NFASC: variants seen among roughly 807,000 people sequenced by gnomAD.
NFASC encodes the protein neurofascin, also known as neurofascin homolog.
In NFASC, 43 loss-of-function variants were observed where a neutral mutation model predicts 147.5. That is an observed-to-expected ratio of 0.29 (90% CI 0.23 to 0.38). The LOEUF is 0.38. Among genes scored for constraint, NFASC ranks in the 10% least tolerant of loss-of-function variants. The pLI, the probability that NFASC is intolerant of heterozygous loss-of-function variation, is 1.00. For synonymous variants in NFASC, 622 were observed against 665.5 expected (o/e 0.93, Z 1.01); for missense variants, 1,320 against 1,689.0 (o/e 0.78, Z 3.83).
intron 1 of NFASC, among the ~76,000 whole-genome samples, chr1:204,903,355 T>G (rs1340139483): frequency 6.6e-6 from 1 of 152,208 alleles, no homozygotes; most frequent in East Asian, 1.9e-4. Context: ...ATGCCTCTTT[T>G]GAACGATGAC....
intron 1 of NFASC, among the ~76,000 whole-genome samples, chr1:204,849,574 AT>A (rs1359103120): frequency 2.6e-5 from 4 of 152,318 alleles, no homozygotes; most frequent in South Asian, 4.1e-4. Context: ...TTGGAGAGCC[AT>A]TAGTCCAATT....
At chr1:204,866,398 C>T (rs937033467) in intron 1 of NFASC, among the ~76,000 whole-genome samples, 4 of 152,130 alleles carry the variant, frequency 2.6e-5, no homozygotes, top group Admixed American at 1.3e-4. Flanking sequence ...TGGAGCTATG[C>T]CGAGCCCTTG....
At chr1:204,873,648 G>T (rs1209468471) in intron 1 of NFASC, among the ~76,000 whole-genome samples, 2 of 151,648 alleles carry the variant, frequency 1.3e-5, no homozygotes, top group African/African-American at 2.4e-5. Context: ...TGCGGGTCAT[G>T]TGTGCTAGGG....
At chr1:204,838,622 G>A (rs1011329472) in intron 1 of NFASC, among the ~76,000 whole-genome samples, 1 of 152,196 alleles carries the variant, frequency 6.6e-6, no homozygotes, top group Non-Finnish European at 1.5e-5. Context: ...TAGTGTTTAT[G>A]GCCCTGAAAA....
At chr1:204,963,841 G>C (rs189745502) in intron 8 of NFASC, among the ~76,000 whole-genome samples, 1 of 152,352 alleles carries the variant, frequency 6.6e-6, no homozygotes, top group Admixed American at 6.5e-5. Flanking sequence ...CAGGCATCTG[G>C]ACAGAGAGAC....
At position 204,833,856 on chromosome 1, in the gene NFASC, T is replaced by TAGCTGCAGCTCATCTGCAA. The variant is rs1274927180; in HGVS notation, c.-200+5076_-200+5094dup. Among the ~76,000 whole-genome samples, 6 of 152,330 alleles carry TAGCTGCAGCTCATCTGCAA rather than the reference T, an allele frequency of 3.9e-5. No homozygotes were observed. The East Asian group carries it at 1.2e-3, about 29-fold the overall frequency. On this transcript the variant is annotated intron_variant, in intron 1 of 29. Coordinates refer to ENST00000339876, the MANE Select transcript of NFASC (RefSeq NM_001005388.3). ...CTGCTTCTACTACTTGCTAGCTGCA[T>TAGCTGCAGCTCATCTGCAA]AGCTGCAGCTCATCTGCAAAATGGG...
chr1:204,840,887 C>T (rs537116632), intron 1 of NFASC, among the ~76,000 whole-genome samples: 225 of 152,318 alleles, frequency 1.5e-3, no homozygotes, highest in African/African-American at 5.2e-3. Flanking sequence ...TTCAACCTTC[C>T]TTTGCTTTCA....
At chr1:204,907,117 C>G (rs1014103108) in intron 1 of NFASC, among the ~76,000 whole-genome samples, 10 of 152,184 alleles carry the variant, frequency 6.6e-5, no homozygotes, top group Non-Finnish European at 8.8e-5. Flanking sequence ...TACATCCTAA[C>G]TAGGACGTGG....
chr1:204,839,160 C>T (rs1162102771), intron 1 of NFASC, among the ~76,000 whole-genome samples: 2 of 152,184 alleles, frequency 1.3e-5, no homozygotes, highest in Non-Finnish European at 2.9e-5. Context: ...ATAGTAATCC[C>T]TCATAAAGGC....
chr1:204,847,533 G>C (rs1417525007), intron 1 of NFASC, among the ~76,000 whole-genome samples: 1 of 152,202 alleles, frequency 6.6e-6, no homozygotes, highest in Non-Finnish European at 1.5e-5. Context: ...CCTTGGGGCT[G>C]CTGACTTGCT....
chr1:204,944,472 G>GTGGGC, intron 3 of NFASC, 66 bp downstream of exon 3: 3 of 402,576 alleles, frequency 7.5e-6, no homozygotes, highest in East Asian at 6.4e-5. Flanking sequence ...GGAGGGGAGG[G>GTGGGC]AAGGTCAGAG....
At chr1:204,945,645 G>A (rs928187463) in intron 3 of NFASC, among the ~76,000 whole-genome samples, 1 of 152,072 alleles carries the variant, frequency 6.6e-6, no homozygotes, top group Non-Finnish European at 1.5e-5. Flanking sequence ...GGACTTGAAT[G>A]TATGTGTGCA....
At chr1:204,904,245 A>G (rs2085290567) in intron 1 of NFASC, among the ~76,000 whole-genome samples, 1 of 152,062 alleles carries the variant, frequency 6.6e-6, no homozygotes, top group Non-Finnish European at 1.5e-5. Flanking sequence ...TTACAGACAC[A>G]TGCAACCAAG....
At chr1:204,915,718 C>G (rs957824440) in intron 1 of NFASC, among the ~76,000 whole-genome samples, 1 of 152,140 alleles carries the variant, frequency 6.6e-6, no homozygotes, top group Non-Finnish European at 1.5e-5. Context: ...TCTAAATATT[C>G]AAGGGGTAGA....
intron 17 of NFASC, among the ~76,000 whole-genome samples, chr1:204,978,594 C>T (rs929048411): frequency 2.0e-5 from 3 of 152,244 alleles, no homozygotes; most frequent in Non-Finnish European, 2.9e-5. Context: ...CACACTCCCT[C>T]ATCAGCCTTC....
chr1:204,883,095 G>A (rs1406189091), intron 1 of NFASC, among the ~76,000 whole-genome samples: 2 of 152,098 alleles, frequency 1.3e-5, no homozygotes, highest in East Asian at 1.9e-4. Context: ...CTAGAAAGCC[G>A]ATCTTAAACA....
intron 1 of NFASC, among the ~76,000 whole-genome samples, chr1:204,866,565 C>T (rs2077126623): frequency 6.6e-6 from 1 of 152,216 alleles, no homozygotes. Flanking sequence ...TGGAAACTCT[C>T]AGGCCTGTGC....
intron 8 of NFASC, among the ~76,000 whole-genome samples, chr1:204,960,279 G>A (rs933402519): frequency 8.5e-5 from 13 of 152,200 alleles, no homozygotes; most frequent in Admixed American, 3.3e-4. Context: ...GTTGACAATG[G>A]TATGTAATGC....
chr1:204,855,308 T>G (rs990913086), intron 1 of NFASC, among the ~76,000 whole-genome samples: 2 of 152,316 alleles, frequency 1.3e-5, no homozygotes, highest in Non-Finnish European at 2.9e-5. Flanking sequence ...ACTGTATAAC[T>G]GGGAACCAAG....
Sources: gnomAD v4.1 joint callset for allele counts (sites outside exome capture counted in the v4.1 genomes callset) on GRCh38, gnomAD v4.1.1 for gene constraint, MANE v1.5 for transcripts, NCBI Gene and HGNC (gene_info 2026-07-23, HGNC 2026-07-21) for gene names.